Variants in COL12A1 observed in about 807,000 individuals in gnomAD.
COL12A1 encodes the protein collagen type XII alpha 1 chain, also known as collagen alpha-1(XII) chain.
Under a neutral mutation model 349.7 loss-of-function variants are expected in COL12A1, and 114 were observed. That is an observed-to-expected ratio of 0.33 (90% CI 0.28 to 0.38). The LOEUF is 0.38. Ranked by LOEUF, COL12A1 falls within the 10% of genes least tolerant of loss-of-function variation. The pLI is 1.00. For missense variants in COL12A1, 3,284 were observed against 3,756.9 expected (o/e 0.87, Z 3.29); for synonymous variants, 1,369 against 1,329.0 (o/e 1.03, Z -0.66).
intron 64 of COL12A1, 98 bp downstream of exon 64, chr6:75,089,008 A>C (rs1767634129): frequency 1.0e-6 from 1 of 983,810 alleles, no homozygotes; most frequent in Non-Finnish European, 1.5e-6. Flanking sequence ...CTCAAAAACA[A>C]AAAAAAGAAT....
intron 60 of COL12A1, 50 bp from the exon 61 acceptor site, chr6:75,091,575 A>C: frequency 6.5e-7 from 1 of 1,538,524 alleles, no homozygotes; most frequent in Non-Finnish European, 9.0e-7. Context: ...ATACTCTAAA[A>C]TGATGCATGA....
At chr6:75,131,350 G>C (rs1766292972) in intron 35 of COL12A1, among the ~76,000 whole-genome samples, 1 of 152,170 alleles carries the variant, frequency 6.6e-6, no homozygotes, top group Admixed American at 6.5e-5. Flanking sequence ...TGTTGAAATA[G>C]AGACTCCATA....
intron 3 of COL12A1, among the ~76,000 whole-genome samples, chr6:75,193,824 G>A (rs1770082258): frequency 6.6e-6 from 1 of 151,934 alleles, no homozygotes; most frequent in Admixed American, 6.6e-5. Context: ...AGAACATGCG[G>A]TGTTTGGTTT....
intron 17 of COL12A1, 133 bp downstream of exon 17, chr6:75,154,283 G>A: frequency 9.3e-7 from 1 of 1,071,676 alleles, no homozygotes; most frequent in Non-Finnish European, 1.3e-6. Context: ...TTTTTGCTAA[G>A]TATGTAAATT....
At chr6:75,131,116 A>T in intron 35 of COL12A1, 135 bp from the exon 36 acceptor site, 1 of 1,173,882 alleles carries the variant, frequency 8.5e-7, no homozygotes, top group Non-Finnish European at 1.2e-6. Context: ...GCTTCTCCAT[A>T]AGATCCACCC....
intron 17 of COL12A1, among the ~76,000 whole-genome samples, chr6:75,153,102 T>C (rs894456565): frequency 1.3e-5 from 2 of 152,138 alleles, no homozygotes; most frequent in Non-Finnish European, 2.9e-5. Context: ...AGATATATTT[T>C]TTAAACCCTG....
At chr6:75,172,080 T>G (rs1413275623) in intron 13 of COL12A1, among the ~76,000 whole-genome samples, 1 of 152,240 alleles carries the variant, frequency 6.6e-6, no homozygotes, top group Non-Finnish European at 1.5e-5. Context: ...GCTTTTAAAA[T>G]TTATTTTACT....
intron 64 of COL12A1, among the ~76,000 whole-genome samples, chr6:75,088,504 A>C (rs1767609158): frequency 6.8e-6 from 1 of 147,262 alleles, no homozygotes; most frequent in Admixed American, 6.7e-5. Flanking sequence ...AGGAAGGAAA[A>C]GGGAAGGAAG....
rs372490462 is a variant in COL12A1 at position 75,146,092 on chromosome 6, C to G, written c.4560+10G>C. On this transcript the variant is annotated intron_variant, in intron 24 of 65. Transcript: ENST00000322507. Reference sequence around the variant, plus strand: ...GAAGACCCAATGTTAAAGAAACAAACATCTTTCACCTCTTTGGGTCTTGTT... The same window carrying G: ...GAAGACCCAATGTTAAAGAAACAAAGATCTTTCACCTCTTTGGGTCTTGTT... 1.1e-5 allele frequency: 18 copies of G among 1,578,896 alleles called. No individual in the cohort carries two copies. The highest frequency in any genetic ancestry group is 1.5e-5 in the Non-Finnish European group (17 of 1,165,140).
intron 64 of COL12A1, among the ~76,000 whole-genome samples, chr6:75,088,811 T>A (rs1416332979): frequency 1.3e-5 from 2 of 151,800 alleles, no homozygotes; most frequent in African/African-American, 4.8e-5. Context: ...CCATCCTGGC[T>A]AACACGGCAA....
chr6:75,109,860 G>T (rs1768747177), intron 51 of COL12A1, among the ~76,000 whole-genome samples: 1 of 151,988 alleles, frequency 6.6e-6, no homozygotes, highest in Admixed American at 6.6e-5. Context: ...GGTAATCCTT[G>T]TCTTTATAGT....
At chr6:75,191,310 C>T (rs1582212475) in intron 5 of COL12A1, among the ~76,000 whole-genome samples, 1 of 151,992 alleles carries the variant, frequency 6.6e-6, no homozygotes, top group Non-Finnish European at 1.5e-5. Flanking sequence ...GGGCATCCCT[C>T]TCATGTTCCA....
intron 64 of COL12A1, 128 bp downstream of exon 64, chr6:75,088,963 TGCACTCCAGCCTGGG>T (rs1176506239): frequency 1.5e-6 from 1 of 650,588 alleles, no homozygotes; most frequent in Non-Finnish European, 2.6e-6. Context: ...ATCGCGCCAC[TGCACTCCAGCCTGGG>T]TGACAGAGCA....
At chr6:75,157,263 T>A (rs1007700746) in intron 14 of COL12A1, among the ~76,000 whole-genome samples, 2 of 152,056 alleles carry the variant, frequency 1.3e-5, no homozygotes, top group Non-Finnish European at 2.9e-5. Context: ...TAATTAGAGT[T>A]CATAAGCAGG....
intron 22 of COL12A1, 140 bp downstream of exon 22, chr6:75,148,218 A>T: frequency 1.4e-6 from 1 of 725,462 alleles, no homozygotes; most frequent in Non-Finnish European, 2.1e-6. Flanking sequence ...CAAAGTCAAG[A>T]ATAGAAAGCA....
Position 75,130,539 on chromosome 6 carries a change from A to G in COL12A1, c.6068-306T>C, listed in dbSNP as rs75929432. Among the ~76,000 whole-genome samples the G allele has an allele frequency of 0.014, 2,197 of 152,276 alleles. 62 individuals carry two copies. The highest frequency in any genetic ancestry group is 0.049 in the African/African-American group (2,055 of 41,546). On this transcript the variant is annotated intron_variant, in intron 36 of 65. Coordinates refer to ENST00000322507, the MANE Select transcript of COL12A1 (RefSeq NM_004370.6). ...ATAAAGACTAAACCCTCACATTTCC[A>G]AAGTCCCCATTTGGTAAGATGATTC...
Position 75,192,341 on chromosome 6 carries a change from C to T in COL12A1, c.205G>A (p.Glu69Lys). The change falls in exon 4 of 66, where the codon GAA becomes AAA. Residue 69 changes from glutamate to lysine, a missense_variant. Around this residue, in one of 2 missense-constraint regions of COL12A1, gnomAD observed 2,601 missense variants for 2,824.8 expected, o/e 0.92. Transcript: ENST00000322507. ...GTGGTACTAGCTGAAAGGGTAAATTCTTTAGTAGGCCCATCTGGAAATATA... is the reference window on the plus strand; with the variant it reads ...GTGGTACTAGCTGAAAGGGTAAATTTTTTAGTAGGCCCATCTGGAAATATA... Reference protein sequence around the residue: ...VDPTTDGPTKEFTLSASTTET... With the variant: ...VDPTTDGPTKKFTLSASTTET... The T allele has an allele frequency of 1.2e-6, 2 of 1,610,942 alleles. No homozygotes were observed. Among genetic ancestry groups the T allele is most frequent in the African/African-American group, 1.3e-5 (1 of 74,892 alleles).
At chr6:75,191,934 T>C (rs1319876813) in intron 4 of COL12A1, among the ~76,000 whole-genome samples, 174 bp from the exon 5 acceptor site, 1 of 152,042 alleles carries the variant, frequency 6.6e-6, no homozygotes, top group African/African-American at 2.4e-5. Flanking sequence ...GTTATTTTAG[T>C]GATATTTTTG....
chr6:75,129,478 A>AT (rs940387019), intron 37 of COL12A1, among the ~76,000 whole-genome samples: 183 of 152,258 alleles, frequency 1.2e-3, no homozygotes, highest in African/African-American at 4.2e-3. Context: ...TAGTTTTTCC[A>AT]TTTTTCCACT....
Sources: gnomAD v4.1 joint callset for allele counts (sites outside exome capture counted in the v4.1 genomes callset) on GRCh38, gnomAD v4.1.1 for gene constraint, gnomAD v4.1.1 regional missense constraint, MANE v1.5 for transcripts, NCBI Gene and HGNC (gene_info 2026-07-23, HGNC 2026-07-21) for gene names.